Variants in CACNA1E observed in about 807,000 individuals in gnomAD.
The protein encoded by CACNA1E is calcium voltage-gated channel subunit alpha1 E.
In CACNA1E, 40 loss-of-function variants were observed where a neutral mutation model predicts 259.2. The ratio of observed to expected loss-of-function variants is 0.15; its 90% CI spans 0.12 to 0.20. The LOEUF is 0.20. Among genes scored for constraint, CACNA1E ranks in the 10% least tolerant of loss-of-function variants. The pLI is 1.00. For missense variants in CACNA1E, 1,874 were observed against 3,040.1 expected, an observed-to-expected ratio of 0.62 and a Z score of 9.02; for synonymous variants, 1,104 against 1,138.5, an observed-to-expected ratio of 0.97 and a Z score of 0.61.
At chr1:181,475,233 A>C (rs1483827179) in intron 2 of CACNA1E, among the ~76,000 whole-genome samples, 1 of 152,252 alleles carries the variant, frequency 6.6e-6, no homozygotes. Context: ...TAAAAGAACA[A>C]AGAGAAAGAT....
rs1360987553 is a variant in CACNA1E at position 181,803,227 on chromosome 1, G to A, written c.*4393G>A. The A allele has an allele frequency of 2.0e-5, 3 of 152,198 alleles. No homozygotes were observed. Among genetic ancestry groups the A allele is most frequent in the African/African-American group, 7.2e-5 (3 of 41,428 alleles). 9.4% of individuals were successfully genotyped at this position (152,198 alleles called of 1,614,324 possible). A position where few individuals can be genotyped will look rare whatever the true frequency, so the allele number is the denominator to read the frequency against. ...TGGGCACCGTCCAGGAGGTACAGGA[G>A]AGGACTTTATGATGCAGGAAAGAAG... is the stretch of plus-strand genomic sequence containing the variant. On this transcript the variant is annotated 3_prime_UTR_variant, in exon 48 of 48. Coordinates refer to ENST00000367573, the MANE Select transcript of CACNA1E (RefSeq NM_001205293.3).
chr1:181,468,262 C>T (rs564835102), intron 2 of CACNA1E, among the ~76,000 whole-genome samples: 1 of 152,204 alleles, frequency 6.6e-6, no homozygotes, highest in African/African-American at 2.4e-5. Context: ...ACTGTGTCTG[C>T]CTCCACGCAT....
chr1:181,337,924 G>A (rs1651838696), intron 1 of CACNA1E, among the ~76,000 whole-genome samples: 1 of 152,058 alleles, frequency 6.6e-6, no homozygotes, highest in Admixed American at 6.6e-5. Flanking sequence ...TAATTTTTTT[G>A]AGGAACATCC....
At chr1:181,331,977 A>G (rs955602184) in intron 1 of CACNA1E, among the ~76,000 whole-genome samples, 2 of 152,188 alleles carry the variant, frequency 1.3e-5, no homozygotes, top group Non-Finnish European at 2.9e-5. Flanking sequence ...ATGCCCATCA[A>G]TTATAGACTA....
intron 1 of CACNA1E, among the ~76,000 whole-genome samples, chr1:181,370,944 G>A (rs1654662688): frequency 6.6e-6 from 1 of 152,018 alleles, no homozygotes; most frequent in Admixed American, 6.6e-5. Flanking sequence ...GTTATTTTTT[G>A]ACTTTTTAAT....
chr1:181,655,012 A>C (rs1185941747), intron 7 of CACNA1E, among the ~76,000 whole-genome samples: 1 of 151,488 alleles, frequency 6.6e-6, no homozygotes, highest in African/African-American at 2.4e-5. Context: ...AAGAAACATA[A>C]GATATCTTAA....
chr1:181,433,591 T>C (rs1204181141), intron 2 of CACNA1E, among the ~76,000 whole-genome samples: 1 of 152,218 alleles, frequency 6.6e-6, no homozygotes. Context: ...AAATCACTCA[T>C]AATCCACTCA....
chr1:181,431,872 A>C (rs1416322733), intron 2 of CACNA1E, among the ~76,000 whole-genome samples: 3 of 152,224 alleles, frequency 2.0e-5, no homozygotes, highest in African/African-American at 4.8e-5. Flanking sequence ...TTTGGAGTAG[A>C]GTGACCTGAA....
chr1:181,322,632 A>T lies in CACNA1E; in HGVS notation c.-15+4509A>T, dbSNP rs966028880. On this transcript the variant is annotated intron_variant, in intron 1 of 11. Coordinates refer to the CACNA1E transcript ENST00000524607. ...AAGAAGGTTCTATTGTCTGCAATAC[A>T]TGCATGGACTTGGGGGTAACTGCAC... 2.2e-4 allele frequency among the ~76,000 whole-genome samples: 34 copies of T among 152,182 alleles called. 1 individual carries two copies. The highest frequency in any genetic ancestry group is 8.0e-4 in the African/African-American group (33 of 41,450).
At chr1:181,685,676 T>C (rs529287976) in intron 7 of CACNA1E, among the ~76,000 whole-genome samples, 8 of 152,342 alleles carry the variant, frequency 5.3e-5, no homozygotes, top group African/African-American at 1.9e-4. Flanking sequence ...TGCTATGAGT[T>C]AAGTGCTCTG....
At chr1:181,649,350 C>T (rs932533333) in intron 6 of CACNA1E, among the ~76,000 whole-genome samples, 1 of 151,498 alleles carries the variant, frequency 6.6e-6, no homozygotes, top group Non-Finnish European at 1.5e-5. Context: ...GCTTCAATTG[C>T]AATTATCTCT....
chr1:181,706,843 C>T (rs996613623), intron 7 of CACNA1E, among the ~76,000 whole-genome samples: 28 of 152,150 alleles, frequency 1.8e-4, no homozygotes, highest in African/African-American at 6.3e-4. Context: ...TTTTGAATCT[C>T]GCAGGGCTTT....
chr1:181,456,250 G>A (rs1661455930), intron 2 of CACNA1E, among the ~76,000 whole-genome samples: 1 of 152,172 alleles, frequency 6.6e-6, no homozygotes, highest in Non-Finnish European at 1.5e-5. Flanking sequence ...GTGCAGGAGG[G>A]ATGGGCAGGT....
intron 6 of CACNA1E, among the ~76,000 whole-genome samples, chr1:181,603,267 T>A (rs923011062): frequency 6.6e-6 from 1 of 152,202 alleles, no homozygotes; most frequent in Non-Finnish European, 1.5e-5. Flanking sequence ...ATTTTCCCAA[T>A]AGCCCTTTGA....
intron 1 of CACNA1E, among the ~76,000 whole-genome samples, chr1:181,403,943 T>C (rs369714541): frequency 1.3e-5 from 2 of 152,222 alleles, no homozygotes; most frequent in South Asian, 2.1e-4. Context: ...AGTTTGCATC[T>C]GTGCAGCACA....
In CACNA1E at chr1:181,724,513, C is replaced by T. The variant is rs747579262; in HGVS notation, c.2118C>T (p.Leu706=). 25 of 1,612,820 alleles carry T rather than the reference C, an allele frequency of 1.6e-5. 1 individual carries two copies. In the East Asian group the frequency reaches 2.7e-4, roughly 17 times the overall value. The change falls in exon 17 of 48, where the codon CTC becomes CTT. Residue 706 remains leucine (L), a synonymous_variant. Transcript: ENST00000367573. The part of the protein sequence containing the change: ...NVFLAIAVDN[L]ANAQELTKDE... ...TCTTGGCTATCGCTGTGGATAATCT[C>T]GCCAACGCCCAGGAACTGACCAAGG...
chr1:181,580,545 C>T, intron 5 of CACNA1E, 50 bp from the exon 6 acceptor site: 1 of 1,563,188 alleles, frequency 6.4e-7, no homozygotes, highest in Non-Finnish European at 8.8e-7. Context: ...ATTTCCAGCT[C>T]ATGCGAAACA....
intron 2 of CACNA1E, among the ~76,000 whole-genome samples, chr1:181,439,399 CTT>C (rs1483628528): frequency 6.7e-6 from 1 of 148,316 alleles, no homozygotes; most frequent in African/African-American, 2.5e-5. Context: ...TAGGCCATGA[CTT>C]TGTCTATGGC....
chr1:181,555,350 A>G (rs1009205228), intron 3 of CACNA1E, among the ~76,000 whole-genome samples: 1 of 152,226 alleles, frequency 6.6e-6, no homozygotes, highest in Non-Finnish European at 1.5e-5. Context: ...GAGGTCTTTC[A>G]TCTAGAGCGA....
Sources: gnomAD v4.1 joint callset for allele counts (sites outside exome capture counted in the v4.1 genomes callset) on GRCh38, gnomAD v4.1.1 for gene constraint, MANE v1.5 for transcripts, NCBI Gene and HGNC (gene_info 2026-07-23, HGNC 2026-07-21) for gene names.